Variants in HOXC4 observed in about 807,000 individuals in gnomAD.
The protein encoded by HOXC4 is homeobox C4.
A neutral mutation model predicts 25.5 loss-of-function variants in HOXC4; 15 were observed. The observed-to-expected ratio is 0.59, with a 90% CI of 0.39 to 0.91. The LOEUF is 0.91. HOXC4 is among the 40% of genes least tolerant of loss of function. HOXC4 has a pLI of 0.00. For missense variants in HOXC4, 342 were observed against 352.4 expected, an observed-to-expected ratio of 0.97 and a Z score of 0.24; for synonymous variants, 165 against 148.0, an observed-to-expected ratio of 1.11 and a Z score of -0.83.
intron 1 of HOXC4, among the ~76,000 whole-genome samples, chr12:54,044,468 C>T (rs1167438657): frequency 1.3e-5 from 2 of 152,194 alleles, no homozygotes; most frequent in Admixed American, 1.3e-4. Context: ...GCCTCAGAGC[C>T]TGGCTGTAGA....
chr12:54,041,435 C>T (rs976191046), intron 1 of HOXC4, among the ~76,000 whole-genome samples: 1 of 152,232 alleles, frequency 6.6e-6, no homozygotes, highest in Non-Finnish European at 1.5e-5. Context: ...TTCTGATGGA[C>T]TGTGGCACCT....
At chr12:54,037,955 G>A (rs1458247274) in intron 1 of HOXC4, 1 of 152,210 alleles carries the variant, frequency 6.6e-6, no homozygotes, top group African/African-American at 2.4e-5. Flanking sequence ...AGGGGATTAC[G>A]GCGCTGGGGA....
chr12:54,052,578 GGGGT>G (rs1394638179), upstream of HOXC4, among the ~76,000 whole-genome samples: 1,891 of 150,850 alleles, frequency 0.013, 44 homozygotes, highest in African/African-American at 0.044. Flanking sequence ...CTGGGGGGGG[GGGGT>G]GGTGGTTAGG....
At chr12:54,018,947 G>T (rs935412843) in intron 1 of HOXC4, among the ~76,000 whole-genome samples, 1 of 152,174 alleles carries the variant, frequency 6.6e-6, no homozygotes, top group Non-Finnish European at 1.5e-5. Context: ...TCGCCTGTGG[G>T]GGGGCGGGGA....
intron 1 of HOXC4, among the ~76,000 whole-genome samples, chr12:54,048,504 C>T (rs141645097): frequency 3.3e-5 from 5 of 152,288 alleles, no homozygotes; most frequent in African/African-American, 1.2e-4. Context: ...CTAAAATGCA[C>T]GGTCTTTGGG....
intron 1 of HOXC4, chr12:54,032,932 A>T (rs767773226): frequency 9.1e-6 from 5 of 549,238 alleles, no homozygotes; most frequent in Non-Finnish European, 1.6e-5. Context: ...AGCCAAATTT[A>T]TGAGTGGCCG....
In HOXC4 at chr12:54,053,928, C is replaced by G; in HGVS notation, c.6C>G (p.Ile2Met). 4 of 1,603,876 alleles carry G rather than the reference C, an allele frequency of 2.5e-6. No individual in the cohort carries two copies. Among genetic ancestry groups the G allele is most frequent in the Non-Finnish European group, 3.4e-6 (4 of 1,171,474 alleles). The change falls in exon 1 of 2, where the codon ATC (isoleucine) becomes ATG (methionine). Residue 2 changes from isoleucine (I) to methionine (M), a missense_variant. By Grantham distance (10) the Ile-to-Met change is conservative. Coordinates refer to ENST00000430889, the MANE Select transcript of HOXC4 (RefSeq NM_153633.3). M[I>M]MSSYLMDSNY... ...ATTTTCCACTCCAGAAATTAATGAT[C>G]ATGAGCTCGTATTTGATGGACTCTA... is the stretch of plus-strand genomic sequence containing the variant.
At chr12:54,049,790 AC>A (rs1937803234), upstream of HOXC4, among the ~76,000 whole-genome samples, 1 of 147,484 alleles carries the variant, frequency 6.8e-6, no homozygotes, top group Non-Finnish European at 1.5e-5. Flanking sequence ...ACACACACAC[AC>A]ACACACACGA....
upstream of HOXC4, among the ~76,000 whole-genome samples, chr12:54,049,795 C>A (rs1309081704): frequency 2.5e-5 from 3 of 118,444 alleles, no homozygotes; most frequent in Non-Finnish European, 5.2e-5. Flanking sequence ...CACACACACA[C>A]ACACGAAAAA....
Position 54,054,070 on chromosome 12 carries a change from C to T in HOXC4, c.148C>T (p.Gln50Ter). The T allele has an allele frequency of 6.2e-7, 1 of 1,614,180 alleles. No homozygotes were observed. Among genetic ancestry groups the T allele is most frequent in the African/African-American group, 1.3e-5 (1 of 75,022 alleles). ...GGAATCGGGATTCCAGCATCACCACCAGGAGCTGTACCCACCACCGCCTCC... is the reference window on the plus strand; with the variant it reads ...GGAATCGGGATTCCAGCATCACCACTAGGAGCTGTACCCACCACCGCCTCC... Reference protein sequence around the residue: ...TRESGFQHHHQELYPPPPPRP... With the variant: ...TRESGFQHHH Residue 50 changes from glutamine (Q) to a stop codon, truncating the protein, a stop_gained, in exon 1 of 2, where the codon CAG becomes TAG. Coordinates refer to ENST00000430889, the MANE Select transcript of HOXC4 (RefSeq NM_153633.3). LOFTEE classifies it high-confidence loss of function.
chr12:54,029,366 C>A (rs959193683), intron 1 of HOXC4, among the ~76,000 whole-genome samples: 11 of 150,768 alleles, frequency 7.3e-5, no homozygotes, highest in African/African-American at 2.2e-4. Flanking sequence ...CAAAAATCTG[C>A]TTTTAGACTT....
intron 1 of HOXC4, chr12:54,030,776 G>C (rs1397545992): frequency 6.6e-6 from 1 of 152,422 alleles, no homozygotes; most frequent in Non-Finnish European, 1.5e-5. Context: ...CAACCTCTGG[G>C]TCCGTTCTCG....
At chr12:54,039,259 G>A (rs1425230986) in intron 1 of HOXC4, among the ~76,000 whole-genome samples, 1 of 152,170 alleles carries the variant, frequency 6.6e-6, no homozygotes, top group Non-Finnish European at 1.5e-5. Context: ...TTTGTGGAGA[G>A]GTGCTGTTGG....
At chr12:54,041,458 AC>A (rs1338654462) in intron 1 of HOXC4, among the ~76,000 whole-genome samples, 4 of 151,774 alleles carry the variant, frequency 2.6e-5, no homozygotes, top group African/African-American at 7.3e-5. Context: ...ACCTCTAAGC[AC>A]CCCCCTGGGG....
chr12:54,030,022 C>G (rs1435201580), intron 1 of HOXC4: 3 of 1,375,526 alleles, frequency 2.2e-6, no homozygotes, highest in Middle Eastern at 1.8e-4. Flanking sequence ...CAACTCTCCC[C>G]TAATCACACA....
chr12:54,022,323 T>G (rs1194748249), intron 1 of HOXC4: 1 of 152,194 alleles, frequency 6.6e-6, no homozygotes, highest in Non-Finnish European at 1.5e-5. Flanking sequence ...AAAATTGCAG[T>G]GAATTTAAGC....
At chr12:54,031,401 C>G (rs191971139) in intron 1 of HOXC4, among the ~76,000 whole-genome samples, 230 of 152,346 alleles carry the variant, frequency 1.5e-3, no homozygotes, top group Non-Finnish European at 2.6e-3. Context: ...GAGAGAAAGC[C>G]TGGAAACTGA....
At chr12:54,028,324 G>A (rs986421637) in intron 1 of HOXC4, 1 of 547,030 alleles carries the variant, frequency 1.8e-6, no homozygotes, top group Non-Finnish European at 3.2e-6. Context: ...CTCAACTAGG[G>A]AATCAACAGA....
At chr12:54,021,918 A>C (rs1940466817) in intron 1 of HOXC4, 2 of 152,390 alleles carry the variant, frequency 1.3e-5, no homozygotes, top group Non-Finnish European at 2.9e-5. Flanking sequence ...CCTTTCCAGC[A>C]ACCCCCTCCT....
Sources: allele counts gnomAD v4.1 joint callset (sites outside exome capture counted in the v4.1 genomes callset), GRCh38; gene constraint gnomAD v4.1.1; transcripts MANE v1.5; gene names NCBI Gene and HGNC (gene_info 2026-07-23, HGNC 2026-07-21).